Variants in NSD3 observed in about 807,000 individuals in gnomAD.
The protein encoded by NSD3 is histone-lysine N-methyltransferase NSD3.
NSD3 carries 24 observed loss-of-function variants against 160.8 expected under a neutral mutation model. The observed-to-expected ratio is 0.15, with a 90% CI of 0.11 to 0.21. NSD3 has a LOEUF of 0.21. Ranked by LOEUF, NSD3 falls within the 10% of genes least tolerant of loss-of-function variation. NSD3 has a pLI of 1.00. For synonymous variants in NSD3, 520 were observed against 600.0 expected (o/e 0.87, Z 1.95); for missense variants, 1,157 against 1,735.9 (o/e 0.67, Z 5.93).
In NSD3 at chr8:38,305,484, A is replaced by T. The variant is rs370918326; in HGVS notation, c.2243-39T>A. On this transcript the variant is annotated intron_variant, in intron 12 of 23. Transcript: ENST00000317025. ...GAGGAATACAAATTAAATAAAATTG[A>T]CTAAAGCATATTCAAGTAGAAGCAG... The T allele has an allele frequency of 7.1e-5, 113 of 1,601,886 alleles. No homozygotes were observed. The African/African-American group carries it at 1.4e-3, about 19-fold the overall frequency.
chr8:38,329,753 A>G lies in NSD3; in HGVS notation c.1206T>C (p.Ala402=). The change falls in exon 6 of 24, where the codon GCT becomes GCC. Residue 402 remains alanine (A), a synonymous_variant. Transcript: ENST00000317025. This position sits in a 1 kb window ranked among gnomAD's most constrained non-coding sequence, Gnocchi z 4.8. ...FIYIDKQPEE[A]LSQAKKSVAS... ...CAACACTCTTTTTTGCTTGGGATAA[A>G]GCCTCTTCAGGCTGTTTATCAATGT... 6.2e-7 allele frequency: 1 copy of G among 1,614,190 alleles called. No individual in the cohort carries two copies. The highest frequency in any genetic ancestry group is 2.2e-5 in the East Asian group (1 of 44,888).
chr8:38,372,558 G>A (rs1175000441), intron 1 of NSD3, among the ~76,000 whole-genome samples: 3 of 149,466 alleles, frequency 2.0e-5, no homozygotes, highest in African/African-American at 7.4e-5. Context: ...GTGAGGTGAC[G>A]TAATCTCGGC....
rs762373414 is a variant in NSD3 at position 38,278,286 on chromosome 8, C to T, written c.3867+20G>A. On this transcript the variant is annotated intron_variant, in intron 22 of 23. Transcript: ENST00000317025. Reference sequence around the variant, plus strand: ...CTCCTTATCGCCTGTTGACTGGGGGCGCTCCCCTGCAAGACTGACCTTTGG... The same window carrying T: ...CTCCTTATCGCCTGTTGACTGGGGGTGCTCCCCTGCAAGACTGACCTTTGG... 122 of 1,607,750 alleles carry T rather than the reference C, an allele frequency of 7.6e-5. No individual in the cohort carries two copies. Among genetic ancestry groups the T allele is most frequent in the Middle Eastern group, 1.6e-4 (1 of 6,062 alleles).
chr8:38,360,460 G>C (rs1373558983), intron 1 of NSD3, among the ~76,000 whole-genome samples: 1 of 152,112 alleles, frequency 6.6e-6, no homozygotes, highest in Non-Finnish European at 1.5e-5. Flanking sequence ...GTCAAACTCT[G>C]AATCATTTAA....
chr8:38,321,013 A>T lies in NSD3; in HGVS notation c.1809+59T>A. 6.7e-7 allele frequency: 1 copy of T among 1,492,956 alleles called. No homozygotes were observed. Among genetic ancestry groups the T allele is most frequent in the South Asian group, 1.1e-5 (1 of 88,076 alleles). 92.5% of individuals were successfully genotyped at this position (1,492,956 alleles called of 1,614,324 possible). Reference sequence around the variant, plus strand: ...AGTTTCTCTTTCTTTTAAGACAGGAATGTAAGCCACAACATTTACAAATAC... The same window carrying T: ...AGTTTCTCTTTCTTTTAAGACAGGATTGTAAGCCACAACATTTACAAATAC... On this transcript the variant is annotated intron_variant, in intron 8 of 23. Coordinates refer to ENST00000317025, the MANE Select transcript of NSD3 (RefSeq NM_023034.2). The surrounding 1 kb of genome is among the most constrained non-coding windows in gnomAD (Gnocchi z 4.7).
intron 1 of NSD3, among the ~76,000 whole-genome samples, chr8:38,353,256 A>AC (rs1372761046): frequency 6.6e-6 from 1 of 152,224 alleles, no homozygotes; most frequent in Non-Finnish European, 1.5e-5. Flanking sequence ...ATGTTTAACA[A>AC]CTGAAACATT....
chr8:38,277,234 G>A (rs868270946), intron 22 of NSD3, among the ~76,000 whole-genome samples: 2 of 152,140 alleles, frequency 1.3e-5, no homozygotes, highest in Non-Finnish European at 2.9e-5. Flanking sequence ...GAGCCACTGC[G>A]CCTGGCCTTC....
chr8:38,290,739 A>G (rs2130993919), intron 16 of NSD3, 62 bp from the exon 17 acceptor site: 1 of 1,562,990 alleles, frequency 6.4e-7, no homozygotes, highest in East Asian at 2.2e-5. Flanking sequence ...CACTATTTAC[A>G]AGATTGGCAG....
At chr8:38,278,141 T>C (rs939959476) in intron 22 of NSD3, among the ~76,000 whole-genome samples, 165 bp downstream of exon 22, 1 of 152,042 alleles carries the variant, frequency 6.6e-6, no homozygotes, top group African/African-American at 2.4e-5. Context: ...GGTTTCACCG[T>C]GTTAGCCAGG....
intron 12 of NSD3, among the ~76,000 whole-genome samples, chr8:38,313,220 TATGTATGTGA>T (rs1809575277): frequency 6.6e-6 from 1 of 152,166 alleles, no homozygotes. Flanking sequence ...TGTGTGTGTG[TATGTATGTGA>T]ATGAATGTGT....
chr8:38,344,339 T>C (rs1437561658), intron 2 of NSD3, among the ~76,000 whole-genome samples: 1 of 152,214 alleles, frequency 6.6e-6, no homozygotes, highest in Non-Finnish European at 1.5e-5. Context: ...TGGCATGATC[T>C]TGGCTCACTG....
intron 6 of NSD3, among the ~76,000 whole-genome samples, chr8:38,327,891 G>GT (rs1157296365): frequency 6.6e-6 from 1 of 152,178 alleles, no homozygotes; most frequent in East Asian, 1.9e-4. Context: ...AAGTAAAGAA[G>GT]TGATTTATAA....
At chr8:38,356,065 A>G (rs72630614) in intron 1 of NSD3, among the ~76,000 whole-genome samples, 33,499 of 152,134 alleles carry the variant, frequency 0.22, 3,936 homozygotes, top group East Asian at 0.31. Flanking sequence ...CACTCCCCAG[A>G]GTTAACTAAC....
chr8:38,315,768 A>C, intron 10 of NSD3, 144 bp downstream of exon 10: 7 of 1,316,632 alleles, frequency 5.3e-6, no homozygotes, highest in Non-Finnish European at 6.1e-6. Flanking sequence ...ATAACATGAG[A>C]GCAAAAGAAT....
At chr8:38,343,385 G>A (rs1257393704) in intron 2 of NSD3, among the ~76,000 whole-genome samples, 1 of 151,972 alleles carries the variant, frequency 6.6e-6, no homozygotes, top group East Asian at 1.9e-4. Context: ...CTTTCTGAAT[G>A]ACTTAAGTTT....
At chr8:38,314,530 A>T in intron 12 of NSD3, 117 bp downstream of exon 12, 1 of 1,417,814 alleles carries the variant, frequency 7.1e-7, no homozygotes, top group Non-Finnish European at 9.4e-7. Context: ...CTTTGGGAAG[A>T]GAGGAGGAGG....
At chr8:38,347,395 CA>C in intron 2 of NSD3, 101 bp downstream of exon 2, 7 of 1,266,176 alleles carry the variant, frequency 5.5e-6, no homozygotes, top group Non-Finnish European at 7.6e-6. Context: ...AAGAAGTTAT[CA>C]GACAGATTCA....
At chr8:38,381,143 C>G (rs1811539786) in intron 1 of NSD3, among the ~76,000 whole-genome samples, 1 of 152,162 alleles carries the variant, frequency 6.6e-6, no homozygotes, top group African/African-American at 2.4e-5. Context: ...CTTCCTCCCA[C>G]TCTGACGCTA....
At chr8:38,374,923 G>A (rs1175139462) in intron 1 of NSD3, among the ~76,000 whole-genome samples, 4 of 152,082 alleles carry the variant, frequency 2.6e-5, no homozygotes, top group Admixed American at 6.5e-5. Flanking sequence ...AGAATGGCGC[G>A]AACACGGGAG....
Sources: allele counts gnomAD v4.1 joint callset (sites outside exome capture counted in the v4.1 genomes callset), GRCh38; gene constraint gnomAD v4.1.1; non-coding constraint Gnocchi (gnomAD v3.1); transcripts MANE v1.5; gene names NCBI Gene and HGNC (gene_info 2026-07-23, HGNC 2026-07-21).